Variants in SECISBP2 observed in about 807,000 individuals in gnomAD.
The protein encoded by SECISBP2 is selenocysteine insertion sequence-binding protein 2.
In SECISBP2, 96 loss-of-function variants were observed where a neutral mutation model predicts 98.2. The ratio of observed to expected loss-of-function variants is 0.98; its 90% CI spans 0.83 to 1.16. The LOEUF is 1.16. Among genes scored for constraint, SECISBP2 ranks in the 50% most tolerant of loss-of-function variants. The pLI, the probability that SECISBP2 is intolerant of heterozygous loss-of-function variation, is 0.00. For missense variants in SECISBP2, 1,046 were observed against 1,022.9 expected, an observed-to-expected ratio of 1.02 and a Z score of -0.31; for synonymous variants, 407 against 370.2, an observed-to-expected ratio of 1.10 and a Z score of -1.14.
At chr9:89,351,097 C>T (rs933709290) in intron 14 of SECISBP2, among the ~76,000 whole-genome samples, 2 of 152,216 alleles carry the variant, frequency 1.3e-5, no homozygotes, top group Non-Finnish European at 2.9e-5. Flanking sequence ...CCACACAGGC[C>T]TCTGGCATCA....
At chr9:89,327,116 C>A (rs1826849259) in intron 4 of SECISBP2, among the ~76,000 whole-genome samples, 1 of 151,136 alleles carries the variant, frequency 6.6e-6, no homozygotes, top group African/African-American at 2.4e-5. Context: ...GAGCCGAGAT[C>A]AAGCGTCCCT....
At chr9:89,348,490 A>G (rs1830770094) in intron 12 of SECISBP2, among the ~76,000 whole-genome samples, 1 of 152,170 alleles carries the variant, frequency 6.6e-6, no homozygotes, top group Admixed American at 6.5e-5. Context: ...ATGGTCCTCT[A>G]ACTTGAAGTG....
In SECISBP2 at chr9:89,318,526, C is replaced by A. The variant is rs1239018912; in HGVS notation, c.-51C>A. ...GAAACGCTTTGTCTGTCCGGCAAGCCGACGGCCCGCTGCTGGCCTCCGTGA... is the reference window on the plus strand; with the variant it reads ...GAAACGCTTTGTCTGTCCGGCAAGCAGACGGCCCGCTGCTGGCCTCCGTGA... On this transcript the variant is annotated 5_prime_UTR_variant, in exon 1 of 17. Transcript: ENST00000375807. 1.3e-6 allele frequency: 2 copies of A among 1,510,086 alleles called. No homozygotes were observed. The highest frequency in any genetic ancestry group is 2.0e-5 in the Admixed American group (1 of 49,500). The allele number at this position is 1,510,086 out of a possible 1,614,324, so 93.5% of individuals were successfully genotyped here.
In SECISBP2 at chr9:89,323,414, C is replaced by G. The variant is rs74812516; in HGVS notation, c.183-2013C>G. 1,046 of 152,624 alleles carry G rather than the reference C, an allele frequency of 6.9e-3. 16 individuals carry two copies. The highest frequency in any genetic ancestry group is 0.024 in the African/African-American group (989 of 41,476). The allele number at this position is 152,624 out of a possible 1,614,324, so 9.5% of individuals were successfully genotyped here. ...CTAGGGAAAGAGACAGAGATAGAGC[C>G]TTGGAGGGCAGGTGAGAGCCAGGCG... On this transcript the variant is annotated intron_variant, in intron 2 of 16. Coordinates refer to ENST00000375807, the MANE Select transcript of SECISBP2 (RefSeq NM_024077.5).
intron 4 of SECISBP2, among the ~76,000 whole-genome samples, chr9:89,327,198 G>A (rs568183379): frequency 2.6e-5 from 4 of 152,018 alleles, no homozygotes; most frequent in South Asian, 2.1e-4. Flanking sequence ...TGTTTTACCC[G>A]TATAGGGCAC....
chr9:89,327,055 G>T (rs557719509), intron 4 of SECISBP2, among the ~76,000 whole-genome samples: 1 of 151,984 alleles, frequency 6.6e-6, no homozygotes, highest in Non-Finnish European at 1.5e-5. Context: ...CCAGCTACTC[G>T]GGAGGCTGAG....
At chr9:89,344,113 T>C (rs1830092465) in intron 10 of SECISBP2, among the ~76,000 whole-genome samples, 1 of 152,240 alleles carries the variant, frequency 6.6e-6, no homozygotes, top group African/African-American at 2.4e-5. Context: ...GCCACGTGTA[T>C]GTCTCTTGAA....
Position 89,359,105 on chromosome 9 carries a change from G to A in SECISBP2, c.*281G>A. 1 of 434,120 alleles carries A rather than the reference G, an allele frequency of 2.3e-6. No individual in the cohort carries two copies. Among genetic ancestry groups the A allele is most frequent in the South Asian group, 2.2e-5 (1 of 45,554 alleles). 26.9% of individuals were successfully genotyped at this position (434,120 alleles called of 1,614,324 possible). A position where few individuals can be genotyped will look rare whatever the true frequency, so the allele number is the denominator to read the frequency against. On this transcript the variant is annotated 3_prime_UTR_variant, in exon 17 of 17. Coordinates refer to ENST00000375807, the MANE Select transcript of SECISBP2 (RefSeq NM_024077.5). ...ACGGATCTGGAAAATACTGGAAAATGTGATACTTAGAATACTTTGGCTGCT... is the reference window on the plus strand; with the variant it reads ...ACGGATCTGGAAAATACTGGAAAATATGATACTTAGAATACTTTGGCTGCT...
chr9:89,364,194 C>T (rs1833215755), downstream of SECISBP2: 1 of 682,370 alleles, frequency 1.5e-6, no homozygotes, highest in Non-Finnish European at 2.4e-6. Context: ...TCAAAGCACA[C>T]CTGTGTGGCC....
chr9:89,334,369 G>A (rs1394555671), intron 6 of SECISBP2, among the ~76,000 whole-genome samples, 153 bp from the exon 7 acceptor site: 6 of 152,204 alleles, frequency 3.9e-5, no homozygotes, highest in Admixed American at 3.9e-4. Context: ...AACAAGTTTA[G>A]TGACTACTAT....
At chr9:89,321,800 A>T (rs993739755) in intron 2 of SECISBP2, among the ~76,000 whole-genome samples, 1 of 152,246 alleles carries the variant, frequency 6.6e-6, no homozygotes, top group Non-Finnish European at 1.5e-5. Context: ...AAAGGAAAAG[A>T]TCCTTTAAAG....
intron 1 of SECISBP2, 89 bp from the exon 2 acceptor site, chr9:89,319,563 C>T: frequency 1.4e-6 from 2 of 1,410,374 alleles, no homozygotes; most frequent in South Asian, 1.2e-5. Context: ...ATTTCTGGGG[C>T]TATTAGGAAC....
intron 2 of SECISBP2, among the ~76,000 whole-genome samples, chr9:89,321,291 C>G (rs1564308196): frequency 6.6e-6 from 1 of 152,236 alleles, no homozygotes; most frequent in African/African-American, 2.4e-5. Flanking sequence ...GGAAAACATT[C>G]ACATGGCTAA....
At chr9:89,333,374 A>T (rs1173257242) in intron 6 of SECISBP2, among the ~76,000 whole-genome samples, 1 of 152,236 alleles carries the variant, frequency 6.6e-6, no homozygotes, top group Non-Finnish European at 1.5e-5. Flanking sequence ...GTTCAAACAA[A>T]TTTGCTTAAA....
chr9:89,323,406 G>A (rs935535791), intron 2 of SECISBP2: 2 of 152,638 alleles, frequency 1.3e-5, no homozygotes, highest in African/African-American at 4.8e-5. Flanking sequence ...AAGAGACAGA[G>A]ATAGAGCCTT....
chr9:89,340,919 T>C (rs568675174), intron 9 of SECISBP2, among the ~76,000 whole-genome samples: 6 of 152,370 alleles, frequency 3.9e-5, no homozygotes, highest in East Asian at 3.9e-4. Flanking sequence ...ATGTAGACTT[T>C]TGGTTGTATC....
rs538227807 is a variant in SECISBP2, at chr9:89,319,553, A to G, written c.37-99A>G. On this transcript the variant is annotated intron_variant, in intron 1 of 16. Transcript: ENST00000375807. ...GAAGTTTTTAAACAACATCGGGAAC[A>G]TTTCTGGGGCTATTAGGAACACCTC... The G allele has an allele frequency of 1.3e-5, 18 of 1,360,656 alleles. No homozygotes were observed. The East Asian group carries it at 3.2e-4, about 24-fold the overall frequency. 84.3% of individuals were successfully genotyped at this position (1,360,656 alleles called of 1,614,324 possible).
At position 89,358,991 on chromosome 9, in the gene SECISBP2, C is replaced by A; in HGVS notation, c.*167C>A. 1.6e-6 allele frequency: 1 copy of A among 634,848 alleles called. No homozygotes were observed. The highest frequency in any genetic ancestry group is 2.8e-5 in the East Asian group (1 of 35,798). The allele number at this position is 634,848 out of a possible 1,614,324, so 39.3% of individuals were successfully genotyped here. A position where few individuals can be genotyped will look rare whatever the true frequency, so the allele number is the denominator to read the frequency against. The stretch of plus-strand genomic sequence containing the variant: ...AAGCAGTGTCTGCAGGCGTTCAGTG[C>A]TGCGGAGCCTGTTAAAGGTCACTCA... On this transcript the variant is annotated 3_prime_UTR_variant, in exon 17 of 17. Transcript: ENST00000375807.
chr9:89,326,653 C>T (rs1236259189), intron 4 of SECISBP2, among the ~76,000 whole-genome samples: 1 of 152,196 alleles, frequency 6.6e-6, no homozygotes, highest in Non-Finnish European at 1.5e-5. Context: ...TCATGCCTCA[C>T]TTACTGATGG....
Sources: gnomAD v4.1 joint callset for allele counts (sites outside exome capture counted in the v4.1 genomes callset) on GRCh38, gnomAD v4.1.1 for gene constraint, MANE v1.5 for transcripts, NCBI Gene and HGNC (gene_info 2026-07-23, HGNC 2026-07-21) for gene names.